The following C12orf42 variants were observed in gnomAD, a reference collection of about 807,000 sequenced individuals.
C12orf42 encodes the protein uncharacterized protein C12orf42.
A neutral mutation model predicts 21.6 loss-of-function variants in C12orf42; 25 were observed. The ratio of observed to expected loss-of-function variants is 1.16; its 90% CI spans 0.84 to 1.62. The LOEUF is 1.62. Ranked by LOEUF, C12orf42 falls within the 40% of genes most tolerant of loss-of-function variation. The pLI is 0.00. For missense variants in C12orf42, 483 were observed against 459.3 expected (o/e 1.05, Z -0.47); for synonymous variants, 174 against 175.0 (o/e 0.99, Z 0.05).
At chr12:103,064,378 G>T in the C12orf42 span, among the ~76,000 whole-genome samples, 51 of 152,326 alleles carry the variant, frequency 3.3e-4, no homozygotes, top group Admixed American at 1.4e-3. Flanking sequence ...GTAATGGACA[G>T]CAGAGGCAAA....
chr12:103,099,638 A>C, the C12orf42 span, among the ~76,000 whole-genome samples: 1 of 152,242 alleles, frequency 6.6e-6, no homozygotes, highest in Admixed American at 6.5e-5. Flanking sequence ...CAAGGAGAGC[A>C]GATTTTTATT....
chr12:103,209,234 A>G, the C12orf42 span, among the ~76,000 whole-genome samples: 1 of 152,170 alleles, frequency 6.6e-6, no homozygotes, highest in Admixed American at 6.5e-5. Flanking sequence ...AATAATGTGT[A>G]ATGAGGCATA....
At chr12:103,436,770 C>T (rs1252547867) in intron 2 of C12orf42, among the ~76,000 whole-genome samples, 1 of 152,104 alleles carries the variant, frequency 6.6e-6, no homozygotes, top group Non-Finnish European at 1.5e-5. Context: ...ACAAAGTGAC[C>T]TACAAAGAGA....
At chr12:103,383,069 A>T (rs2046319110) in intron 3 of C12orf42, among the ~76,000 whole-genome samples, 1 of 152,000 alleles carries the variant, frequency 6.6e-6, no homozygotes, top group African/African-American at 2.4e-5. Context: ...TGCCTGTGCC[A>T]TGTTTCTTAT....
chr12:103,434,290 C>T (rs1007278957), intron 2 of C12orf42, among the ~76,000 whole-genome samples: 4 of 152,280 alleles, frequency 2.6e-5, no homozygotes, highest in East Asian at 3.9e-4. Flanking sequence ...ATCTGAGTGG[C>T]TAGCCCTGGG....
chr12:103,326,743 T>C (rs967933849), intron 4 of C12orf42, among the ~76,000 whole-genome samples: 3 of 152,226 alleles, frequency 2.0e-5, no homozygotes, highest in African/African-American at 7.2e-5. Flanking sequence ...AGGCCTTCTT[T>C]GGTCACCTTT....
chr12:103,481,510 T>C (rs1592990701), intron 1 of C12orf42, among the ~76,000 whole-genome samples: 1 of 151,988 alleles, frequency 6.6e-6, no homozygotes, highest in South Asian at 2.1e-4. Context: ...AGACATTCTT[T>C]CTAAATTCTT....
At chr12:103,383,058 C>A (rs1318479962) in intron 3 of C12orf42, among the ~76,000 whole-genome samples, 1 of 152,144 alleles carries the variant, frequency 6.6e-6, no homozygotes, top group African/African-American at 2.4e-5. Flanking sequence ...ATGATACTTA[C>A]TGCCTGTGCC....
chr12:103,170,016 G>T, the C12orf42 span, among the ~76,000 whole-genome samples: 2 of 151,858 alleles, frequency 1.3e-5, no homozygotes, highest in South Asian at 2.1e-4. Flanking sequence ...AAAAGCAACA[G>T]ATCAAAAAAT....
intron 2 of C12orf42, among the ~76,000 whole-genome samples, chr12:103,428,670 G>T (rs568465464): frequency 6.6e-6 from 1 of 152,202 alleles, no homozygotes; most frequent in African/African-American, 2.4e-5. Flanking sequence ...AACAAAAAAA[G>T]AAAATTTCAG....
chr12:103,351,613 C>T (rs777378078), intron 4 of C12orf42, among the ~76,000 whole-genome samples: 3 of 152,044 alleles, frequency 2.0e-5, no homozygotes, highest in Non-Finnish European at 2.9e-5. Context: ...GGAGAAACAA[C>T]TGGCATTTCC....
chr12:103,376,176 C>T (rs750931478), intron 3 of C12orf42, among the ~76,000 whole-genome samples: 3 of 152,040 alleles, frequency 2.0e-5, no homozygotes, highest in African/African-American at 4.8e-5. Flanking sequence ...TCAATGATAG[C>T]CTGAATAAAG....
Position 103,449,134 on chromosome 12 carries a change from G to GACAC in C12orf42, c.78+29211_78+29214dup, listed in dbSNP as rs374627350. On this transcript the variant is annotated intron_variant, in intron 2 of 5. Coordinates refer to ENST00000548883, the MANE Select transcript of C12orf42 (RefSeq NM_198521.5). ...AGATAGATAGATAGATAGATAGACA[G>GACAC]ACACCATGGAATACTACGCAACCAT... 1.3e-4 allele frequency among the ~76,000 whole-genome samples: 20 copies of GACAC among 151,834 alleles called. 1 individual carries two copies. Among genetic ancestry groups the GACAC allele is most frequent in the African/African-American group, 4.3e-4 (18 of 41,426 alleles).
At chr12:103,410,369 GC>G (rs1339164017) in intron 2 of C12orf42, among the ~76,000 whole-genome samples, 4 of 152,172 alleles carry the variant, frequency 2.6e-5, no homozygotes, top group Non-Finnish European at 4.4e-5. Flanking sequence ...TGAAAAAGAA[GC>G]AAAAATATTT....
the C12orf42 span, among the ~76,000 whole-genome samples, chr12:103,188,693 C>T: frequency 6.5e-3 from 984 of 152,242 alleles, 4 homozygotes; most frequent in Middle Eastern, 0.027. Context: ...TGGCACCTCC[C>T]CACCTCTCTC....
intron 2 of C12orf42, among the ~76,000 whole-genome samples, chr12:103,419,509 G>A (rs1452801968): frequency 6.6e-6 from 1 of 151,916 alleles, no homozygotes; most frequent in East Asian, 1.9e-4. Context: ...ACCTCCCCAG[G>A]GCTCCTCCTG....
chr12:103,494,807 G>A (rs907493050), intron 1 of C12orf42, among the ~76,000 whole-genome samples: 60 of 152,244 alleles, frequency 3.9e-4, no homozygotes, highest in African/African-American at 1.4e-3. Flanking sequence ...GCCACACAGC[G>A]GTGAATAGGG....
chr12:103,535,250 A>G, the C12orf42 span, among the ~76,000 whole-genome samples: 1 of 152,318 alleles, frequency 6.6e-6, no homozygotes, highest in East Asian at 1.9e-4. Context: ...TGGAAAGGAT[A>G]GTTTTATAAC....
chr12:103,228,679 A>G, the C12orf42 span, among the ~76,000 whole-genome samples: 1 of 152,096 alleles, frequency 6.6e-6, no homozygotes, highest in Non-Finnish European at 1.5e-5. Flanking sequence ...AATACTTTCT[A>G]TACAAATGTA....
Sources: gnomAD v4.1 joint callset for allele counts (sites outside exome capture counted in the v4.1 genomes callset) on GRCh38, gnomAD v4.1.1 for gene constraint, MANE v1.5 for transcripts, NCBI Gene and HGNC (gene_info 2026-07-23, HGNC 2026-07-21) for gene names.